The following ADCY8 variants were observed in gnomAD, a reference collection of about 807,000 sequenced individuals.
The protein encoded by ADCY8 is adenylate cyclase 8.
Under a neutral mutation model 119.7 loss-of-function variants are expected in ADCY8, and 51 were observed. That is an observed-to-expected ratio of 0.43 (90% CI 0.34 to 0.54). The LOEUF is 0.54. ADCY8 is among the 20% of genes least tolerant of loss of function. The pLI is 0.03. For synonymous variants in ADCY8, 665 were observed against 651.0 expected (o/e 1.02, Z -0.33); for missense variants, 1,383 against 1,598.8 (o/e 0.87, Z 2.30).
At chr8:130,926,957 A>G (rs2130599069) in intron 5 of ADCY8, among the ~76,000 whole-genome samples, 1 of 151,726 alleles carries the variant, frequency 6.6e-6, no homozygotes, top group East Asian at 1.9e-4. Context: ...ATATATATAT[A>G]TATACACACA....
rs576169174 is a variant in ADCY8, at chr8:130,839,613, G to T, written c.2503-3164C>A. Among the ~76,000 whole-genome samples the T allele has an allele frequency of 9.2e-5, 13 of 140,562 alleles. 3 individuals are homozygous for T. The East Asian group carries it at 2.9e-3, about 31-fold the overall frequency. The allele number at this position is 140,562 out of a possible 152,430, so 92.2% of individuals were successfully genotyped here. A position where few individuals can be genotyped will look rare whatever the true frequency, so the allele number is the denominator to read the frequency against. On this transcript the variant is annotated intron_variant, in intron 11 of 17. Coordinates refer to ENST00000286355, the MANE Select transcript of ADCY8 (RefSeq NM_001115.3). The stretch of plus-strand genomic sequence containing the variant: ...GGGTCTGGACCCATAAATTGCATGT[G>T]TCCTGTAACTTGGGAAGAAACTGGG...
At chr8:130,788,895 C>T (rs1815339516) in intron 15 of ADCY8, among the ~76,000 whole-genome samples, 1 of 152,096 alleles carries the variant, frequency 6.6e-6, no homozygotes, top group Non-Finnish European at 1.5e-5. Flanking sequence ...AAACAAATTA[C>T]ACTAAGTGAA....
chr8:130,781,210 G>C (rs1185395818), intron 17 of ADCY8, among the ~76,000 whole-genome samples: 3 of 152,186 alleles, frequency 2.0e-5, no homozygotes, highest in Non-Finnish European at 4.4e-5. Flanking sequence ...ACTTGTCTTA[G>C]TCTGTGAGAT....
At chr8:130,883,927 G>T (rs189974344) in intron 8 of ADCY8, among the ~76,000 whole-genome samples, 1 of 152,274 alleles carries the variant, frequency 6.6e-6, no homozygotes, top group Non-Finnish European at 1.5e-5. Flanking sequence ...TGTGAGGTAG[G>T]TGCATTCATT....
intron 1 of ADCY8, among the ~76,000 whole-genome samples, chr8:131,014,182 A>G (rs1346934986): frequency 6.6e-6 from 1 of 152,228 alleles, no homozygotes; most frequent in Non-Finnish European, 1.5e-5. Flanking sequence ...GTTAACCTCT[A>G]CAGCAGGGAA....
intron 7 of ADCY8, among the ~76,000 whole-genome samples, chr8:130,903,441 G>T (rs551454761): frequency 6.9e-6 from 1 of 144,208 alleles, no homozygotes; most frequent in South Asian, 2.2e-4. Context: ...ATAACAGAGG[G>T]TTTATTTTTT....
At chr8:130,923,278 AAAAT>A (rs1563730281) in intron 5 of ADCY8, among the ~76,000 whole-genome samples, 1 of 152,172 alleles carries the variant, frequency 6.6e-6, no homozygotes, top group African/African-American at 2.4e-5. Context: ...TAGACAGAAA[AAAAT>A]AGAAAAAAAT....
At chr8:130,991,211 G>T (rs983016253) in intron 1 of ADCY8, among the ~76,000 whole-genome samples, 2 of 152,166 alleles carry the variant, frequency 1.3e-5, no homozygotes, top group Non-Finnish European at 2.9e-5. Context: ...TTGAAAAGGG[G>T]TCAACACATG....
chr8:130,904,564 A>G (rs1819719794), intron 6 of ADCY8, among the ~76,000 whole-genome samples: 1 of 152,162 alleles, frequency 6.6e-6, no homozygotes, highest in Non-Finnish European at 1.5e-5. Context: ...GGTGATTCTG[A>G]TAAGTCCATA....
intron 9 of ADCY8, among the ~76,000 whole-genome samples, chr8:130,850,868 T>A (rs1200083720): frequency 6.6e-6 from 1 of 152,210 alleles, no homozygotes; most frequent in African/African-American, 2.4e-5. Flanking sequence ...GAGATCTGAT[T>A]ATGTGTTAGC....
chr8:130,999,436 A>G (rs575832320), intron 1 of ADCY8, among the ~76,000 whole-genome samples: 2 of 152,096 alleles, frequency 1.3e-5, no homozygotes, highest in Non-Finnish European at 2.9e-5. Flanking sequence ...CAAAGTTGGA[A>G]GCACTCACAG....
intron 14 of ADCY8, among the ~76,000 whole-genome samples, chr8:130,812,270 G>A (rs1285620412): frequency 6.8e-6 from 1 of 146,868 alleles, no homozygotes; most frequent in Non-Finnish European, 1.5e-5. Context: ...CGCCCATGGA[G>A]CTTGACCATT....
At chr8:131,027,569 C>CTGGA (rs1823860198) in intron 1 of ADCY8, among the ~76,000 whole-genome samples, 1 of 152,092 alleles carries the variant, frequency 6.6e-6, no homozygotes, top group Non-Finnish European at 1.5e-5. Context: ...GGACAGACCC[C>CTGGA]AGCAATGGAA....
At position 131,036,370 on chromosome 8, in the gene ADCY8, A is replaced by ATG. The variant is rs1375526380; in HGVS notation, c.960+3002_960+3003dup. On this transcript the variant is annotated intron_variant, in intron 1 of 17. Transcript: ENST00000286355. ...ACTGCGTTACACACATATGATGTGT[A>ATG]TGTGTGTGTGTGTATAGAAAGCTTT... Among the ~76,000 whole-genome samples the ATG allele has an allele frequency of 5.3e-5, 8 of 151,840 alleles. No homozygotes were observed. The South Asian group carries it at 6.2e-4, about 12-fold the overall frequency.
intron 5 of ADCY8, among the ~76,000 whole-genome samples, chr8:130,936,807 A>G (rs1820801400): frequency 6.6e-6 from 1 of 152,202 alleles, no homozygotes; most frequent in Admixed American, 6.5e-5. Context: ...GACTATGCTC[A>G]TCTTGTTCCT....
intron 7 of ADCY8, among the ~76,000 whole-genome samples, chr8:130,887,825 AG>A (rs2130473554): frequency 6.6e-6 from 1 of 151,864 alleles, no homozygotes; most frequent in South Asian, 2.1e-4. Flanking sequence ...TGTCACCTTC[AG>A]TGGGATAATG....
At chr8:130,850,368 C>T (rs574630904) in intron 9 of ADCY8, among the ~76,000 whole-genome samples, 9 of 152,250 alleles carry the variant, frequency 5.9e-5, no homozygotes, top group Non-Finnish European at 1.2e-4. Flanking sequence ...GTTTCAAACT[C>T]TCATCAAAAC....
rs1586655734 is a variant in ADCY8 at position 131,012,835 on chromosome 8, T to C, written c.961-22293A>G. Among the ~76,000 whole-genome samples, 3 of 152,208 alleles carry C rather than the reference T, an allele frequency of 2.0e-5. No homozygotes were observed. The South Asian group carries it at 6.2e-4, about 32-fold the overall frequency. ...TGAAATTGCGTCACAGCTCAACTTGTCTATTTCTGCTTCCAACTTTTCTCC... is the reference window on the plus strand; with the variant it reads ...TGAAATTGCGTCACAGCTCAACTTGCCTATTTCTGCTTCCAACTTTTCTCC... On this transcript the variant is annotated intron_variant, in intron 1 of 17. Transcript: ENST00000286355.
At chr8:130,856,432 C>T (rs899882131) in intron 9 of ADCY8, among the ~76,000 whole-genome samples, 2 of 152,004 alleles carry the variant, frequency 1.3e-5, no homozygotes, top group South Asian at 2.1e-4. Context: ...CAGACACGGC[C>T]GGGCCCTTCT....
Sources: allele counts gnomAD v4.1 joint callset (sites outside exome capture counted in the v4.1 genomes callset), GRCh38; gene constraint gnomAD v4.1.1; transcripts MANE v1.5; gene names NCBI Gene and HGNC (gene_info 2026-07-23, HGNC 2026-07-21).